DNAJC13: variants seen among roughly 807,000 people sequenced by gnomAD.
The protein encoded by DNAJC13 is dnaJ homolog subfamily C member 13.
DNAJC13 carries 75 observed loss-of-function variants against 290.5 expected under a neutral mutation model. The ratio of observed to expected loss-of-function variants is 0.26; its 90% CI spans 0.21 to 0.31. The LOEUF (loss-of-function observed/expected upper bound fraction) is 0.31. Among genes scored for constraint, DNAJC13 ranks in the 10% least tolerant of loss-of-function variants. The pLI is 1.00. For missense variants in DNAJC13, 2,260 were observed against 2,674.5 expected (o/e 0.85, Z 3.42); for synonymous variants, 862 against 892.0 (o/e 0.97, Z 0.60).
intron 50 of DNAJC13, 38 bp from the exon 51 acceptor site, chr3:132,523,502 A>G: frequency 1.9e-6 from 3 of 1,593,382 alleles, no homozygotes; most frequent in South Asian, 1.1e-5. Flanking sequence ...CTTCAAGATT[A>G]TTAAGTGACT....
rs915154915 is a variant in DNAJC13, at chr3:132,450,152, C to CT, written c.337-484dup. Among the ~76,000 whole-genome samples the CT allele has an allele frequency of 3.2e-3, 464 of 143,494 alleles. 1 individual carries two copies. Among genetic ancestry groups the CT allele is most frequent in the African/African-American group, 9.6e-3 (379 of 39,462 alleles). The allele number at this position is 143,494 out of a possible 152,430, so 94.1% of individuals were successfully genotyped here. On this transcript the variant is annotated intron_variant, in intron 5 of 55. Coordinates refer to ENST00000260818, the MANE Select transcript of DNAJC13 (RefSeq NM_015268.4). The stretch of plus-strand genomic sequence containing the variant: ...GCCTAAGGTCAAATACAGGCCTCAG[C>CT]TTTTTTTTTTTGTATGTGGAAATAA...
At chr3:132,446,421 T>G in intron 2 of DNAJC13, 54 bp from the exon 3 acceptor site, 1 of 1,255,464 alleles carries the variant, frequency 8.0e-7, no homozygotes, top group Non-Finnish European at 1.1e-6. Flanking sequence ...TATATTTTCT[T>G]ATAAAATATC....
Position 132,526,322 on chromosome 3 carries a change from A to G in DNAJC13, c.6381+41A>G, listed in dbSNP as rs761386680. 17 of 1,609,050 alleles carry G rather than the reference A, an allele frequency of 1.1e-5. No homozygotes were observed. The East Asian group carries it at 2.9e-4, about 27-fold the overall frequency. On this transcript the variant is annotated intron_variant, in intron 53 of 55. Coordinates refer to ENST00000260818, the MANE Select transcript of DNAJC13 (RefSeq NM_015268.4). The stretch of plus-strand genomic sequence containing the variant: ...GATTTAGCACTATTTTAGGAAAGCA[A>G]ACATACCAAGTAGATTTTTACCTAT...
At chr3:132,485,220 C>T (rs1226297489) in intron 29 of DNAJC13, among the ~76,000 whole-genome samples, 1 of 152,162 alleles carries the variant, frequency 6.6e-6, no homozygotes, top group African/African-American at 2.4e-5. Flanking sequence ...CCAATCCAAC[C>T]TTCGCCTCCC....
intron 51 of DNAJC13, among the ~76,000 whole-genome samples, chr3:132,525,095 C>G (rs182612679): frequency 6.6e-6 from 1 of 152,314 alleles, no homozygotes; most frequent in Non-Finnish European, 1.5e-5. Context: ...AATACCAGCA[C>G]TTTGGGAGGC....
At chr3:132,499,625 T>C (rs1935348277) in intron 37 of DNAJC13, 109 bp from the exon 38 acceptor site, 2 of 934,496 alleles carry the variant, frequency 2.1e-6, no homozygotes, top group Admixed American at 2.3e-5. Context: ...AACATTTATG[T>C]ATCAAATATT....
chr3:132,421,293 A>T (rs1938952241), intron 1 of DNAJC13, among the ~76,000 whole-genome samples: 1 of 152,256 alleles, frequency 6.6e-6, no homozygotes, highest in African/African-American at 2.4e-5. Flanking sequence ...CATTATGCTC[A>T]AATTGTTCAG....
intron 22 of DNAJC13, 25 bp from the exon 23 acceptor site, chr3:132,477,764 G>C: frequency 6.5e-7 from 1 of 1,540,282 alleles, no homozygotes; most frequent in Non-Finnish European, 8.9e-7. Flanking sequence ...AACTAAAATA[G>C]TGTAATTTGC....
chr3:132,475,183 G>T (rs1383827931), intron 22 of DNAJC13, 98 bp downstream of exon 22: 4 of 812,938 alleles, frequency 4.9e-6, no homozygotes, highest in Non-Finnish European at 7.1e-6. Context: ...TACATATCTG[G>T]TCTTTACCTT....
chr3:132,426,799 T>G (rs1166439511), intron 1 of DNAJC13, among the ~76,000 whole-genome samples: 5 of 152,166 alleles, frequency 3.3e-5, no homozygotes, highest in African/African-American at 4.8e-5. Flanking sequence ...AGTTTTTTTT[T>G]TCTTGAAAGT....
chr3:132,471,216 C>T (rs1263729041), intron 20 of DNAJC13, among the ~76,000 whole-genome samples: 2 of 136,704 alleles, frequency 1.5e-5, no homozygotes, highest in East Asian at 2.3e-4. Context: ...CCTCACCTCC[C>T]GGACGGGGCG....
intron 22 of DNAJC13, among the ~76,000 whole-genome samples, chr3:132,476,235 T>C (rs2107690446): frequency 6.6e-6 from 1 of 152,370 alleles, no homozygotes; most frequent in East Asian, 1.9e-4. Context: ...CATAATTGGA[T>C]ATCTGATAAG....
intron 3 of DNAJC13, 108 bp from the exon 4 acceptor site, chr3:132,447,213 A>G: frequency 1.0e-6 from 1 of 972,248 alleles, no homozygotes; most frequent in East Asian, 3.1e-5. Context: ...ACTCTATTTT[A>G]TAAAATTTTG....
chr3:132,456,630 G>A, intron 11 of DNAJC13, 33 bp from the exon 12 acceptor site: 1 of 1,612,894 alleles, frequency 6.2e-7, no homozygotes, highest in Non-Finnish European at 8.5e-7. Context: ...TTTTGGTATG[G>A]AAACTTTTTT....
rs116743422 is a variant in DNAJC13, at chr3:132,513,218, A to G, written c.5385+119A>G. ...GCTTTTTTGTTGCATCATTTTGCCT[A>G]TTAAGACACATCAATATTTTTTGAA... On this transcript the variant is annotated intron_variant, in intron 45 of 55. Transcript: ENST00000260818. 9.3e-4 allele frequency: 697 copies of G among 753,034 alleles called. 2 individuals carry two copies. The African/African-American group carries it at 0.011, about 12-fold the overall frequency. The allele number at this position is 753,034 out of a possible 1,614,324, so 46.6% of individuals were successfully genotyped here.
intron 17 of DNAJC13, 124 bp downstream of exon 17, chr3:132,463,941 T>C (rs1933893035): frequency 4.5e-6 from 5 of 1,120,348 alleles, no homozygotes; most frequent in Non-Finnish European, 6.0e-6. Context: ...TCCACCTAGT[T>C]CTTTTCCTTT....
chr3:132,508,640 C>T (rs4267640), intron 43 of DNAJC13, among the ~76,000 whole-genome samples: 1 of 151,964 alleles, frequency 6.6e-6, no homozygotes, highest in Non-Finnish European at 1.5e-5. Context: ...AGAGGGAAGA[C>T]GGGGGTGGTC....
At chr3:132,475,975 A>G (rs1380344729) in intron 22 of DNAJC13, among the ~76,000 whole-genome samples, 4 of 152,016 alleles carry the variant, frequency 2.6e-5, no homozygotes, top group African/African-American at 9.7e-5. Context: ...GCTTTATTGC[A>G]TAGGCTAGAC....
At chr3:132,538,140 T>G (rs1295559290) in intron 55 of DNAJC13, 36 bp from the exon 56 acceptor site, 1 of 1,569,402 alleles carries the variant, frequency 6.4e-7, no homozygotes, top group East Asian at 2.2e-5. Context: ...ACTTGACTGC[T>G]TTCTAGAGGT....
Sources: allele counts gnomAD v4.1 joint callset (sites outside exome capture counted in the v4.1 genomes callset), GRCh38; gene constraint gnomAD v4.1.1; transcripts MANE v1.5; gene names NCBI Gene and HGNC (gene_info 2026-07-23, HGNC 2026-07-21).